Variants in DROSHA observed in about 807,000 individuals in gnomAD.
DROSHA encodes drosha ribonuclease III.
A neutral mutation model predicts 181.9 loss-of-function variants in DROSHA; 56 were observed. The observed-to-expected ratio is 0.31, with a 90% confidence interval of 0.25 to 0.38. The LOEUF is 0.38. Among genes scored for constraint, DROSHA ranks in the 10% least tolerant of loss-of-function variants. The pLI, the probability that DROSHA is intolerant of heterozygous loss-of-function variation, is 1.00. For synonymous variants in DROSHA, 524 were observed against 591.2 expected (o/e 0.89, Z 1.65); for missense variants, 1,218 against 1,743.5 (o/e 0.70, Z 5.37).
chr5:31,512,476 C>T (rs1738803446), intron 8 of DROSHA, among the ~76,000 whole-genome samples: 1 of 152,152 alleles, frequency 6.6e-6, no homozygotes, highest in Non-Finnish European at 1.5e-5. Flanking sequence ...TCCCTTCTTC[C>T]TAATAGAAGC....
intron 16 of DROSHA, among the ~76,000 whole-genome samples, chr5:31,476,488 A>G (rs563738924): frequency 6.6e-6 from 1 of 152,356 alleles, no homozygotes; most frequent in Admixed American, 6.5e-5. Flanking sequence ...AACAAGACAT[A>G]ATTAAAAATA....
At chr5:31,446,446 C>CAAAAAAAAAAAAAAAAAA (rs60001713) in intron 23 of DROSHA, among the ~76,000 whole-genome samples, 1 of 59,350 alleles carries the variant, frequency 1.7e-5, no homozygotes, top group African/African-American at 5.5e-5. Context: ...GACTCTGTCT[C>CAAAAAAAAAAAAAAAAAA]AAAAAAAAAA....
At chr5:31,474,043 T>C (rs1193343859) in intron 16 of DROSHA, among the ~76,000 whole-genome samples, 1 of 152,214 alleles carries the variant, frequency 6.6e-6, no homozygotes, top group African/African-American at 2.4e-5. Context: ...AGGAAGCACA[T>C]AGGCTAATAA....
At chr5:31,490,125 C>T (rs1004988355) in intron 13 of DROSHA, among the ~76,000 whole-genome samples, 6 of 151,842 alleles carry the variant, frequency 4.0e-5, no homozygotes, top group Middle Eastern at 3.4e-3. Flanking sequence ...ATCTGCCCGC[C>T]TCAGCCTCCC....
chr5:31,483,440 GATA>G (rs1751275364), intron 16 of DROSHA, 111 bp downstream of exon 16: 2 of 969,108 alleles, frequency 2.1e-6, no homozygotes, highest in African/African-American at 3.3e-5. Context: ...CTGAGAAGTA[GATA>G]ATTAACAGTA....
intron 27 of DROSHA, among the ~76,000 whole-genome samples, chr5:31,425,251 C>T (rs1201692392): frequency 1.3e-5 from 2 of 151,992 alleles, no homozygotes; most frequent in African/African-American, 4.8e-5. Context: ...AAATTTAGTA[C>T]CACTTGTAAC....
At chr5:31,435,099 T>C (rs558159625) in intron 25 of DROSHA, among the ~76,000 whole-genome samples, 67 of 152,226 alleles carry the variant, frequency 4.4e-4, no homozygotes, top group Non-Finnish European at 7.1e-4. Flanking sequence ...AATTTGTCCA[T>C]GGCCACCTGT....
At chr5:31,505,613 A>G (rs1302644765) in intron 10 of DROSHA, 1 of 152,222 alleles carries the variant, frequency 6.6e-6, no homozygotes, top group Non-Finnish European at 1.5e-5. Flanking sequence ...ACTGAATCAA[A>G]AACAAGACCA....
At chr5:31,403,885 T>C (rs957029419) in intron 35 of DROSHA, among the ~76,000 whole-genome samples, 2 of 152,220 alleles carry the variant, frequency 1.3e-5, no homozygotes, top group South Asian at 2.1e-4. Flanking sequence ...ACATAGGTTT[T>C]TTTTATCTGC....
Position 31,504,639 on chromosome 5 carries a change from T to G in DROSHA, c.1588-4A>C, listed in dbSNP as rs1737689087. 1.2e-6 allele frequency: 2 copies of G among 1,613,834 alleles called. No homozygotes were observed. The highest frequency in any genetic ancestry group is 1.7e-6 in the Non-Finnish European group (2 of 1,179,836). ...TGCAGAGTGGTCCATCATTCATCTG[T>G]CAGAAACACAATGTAATTCGTTTTT... On this transcript the variant is annotated splice_region_variant and splice_polypyrimidine_tract_variant and intron_variant, in intron 10 of 35. Transcript: ENST00000344624.
chr5:31,464,435 T>A, intron 19 of DROSHA, 92 bp from the exon 20 acceptor site: 1 of 1,086,446 alleles, frequency 9.2e-7, no homozygotes, highest in Non-Finnish European at 1.4e-6. Context: ...TGGATTCATT[T>A]AATATTACCC....
At chr5:31,521,089 C>T in intron 6 of DROSHA, 34 bp downstream of exon 6, 2 of 1,607,204 alleles carry the variant, frequency 1.2e-6, no homozygotes, top group Non-Finnish European at 1.7e-6. Context: ...GGAGATAATC[C>T]TATGACTTCT....
intron 28 of DROSHA, among the ~76,000 whole-genome samples, chr5:31,423,581 A>G (rs1743048460): frequency 6.6e-6 from 1 of 152,220 alleles, no homozygotes; most frequent in Admixed American, 6.5e-5. Flanking sequence ...AGCCTTTAAC[A>G]ACTGGTAGAG....
At chr5:31,441,650 CATCA>C (rs989877306) in intron 23 of DROSHA, among the ~76,000 whole-genome samples, 17 of 152,286 alleles carry the variant, frequency 1.1e-4, no homozygotes, top group African/African-American at 4.1e-4. Flanking sequence ...TTGGAGAAAA[CATCA>C]AGGAATAGAG....
intron 9 of DROSHA, among the ~76,000 whole-genome samples, chr5:31,509,929 T>C (rs1580344024): frequency 6.6e-6 from 1 of 151,958 alleles, no homozygotes; most frequent in Admixed American, 6.6e-5. Context: ...GTTTCAGTTT[T>C]ATAAAAGGAA....
At position 31,451,550 on chromosome 5, in the gene DROSHA, C is replaced by G; in HGVS notation, c.2665G>C (p.Asp889His). 5 of 1,611,312 alleles carry G rather than the reference C, an allele frequency of 3.1e-6. No individual in the cohort carries two copies. Among genetic ancestry groups the G allele is most frequent in the Non-Finnish European group, 4.2e-6 (5 of 1,178,690 alleles). The change falls in exon 21 of 36, where the codon GAT becomes CAT. Residue 889 changes from aspartate to histidine, a missense_variant. By Grantham distance (81) the Asp-to-His change is moderately conservative. Transcript: ENST00000344624. ...ATTCTTACCTGCAACAGACAACGATCTTGGAAAGTATATCCTATCAACTTG... is the reference window on the plus strand; with the variant it reads ...ATTCTTACCTGCAACAGACAACGATGTTGGAAAGTATATCCTATCAACTTG... ...LDKLIGYTFQ[D>H]RCLLQLAMTH...
chr5:31,532,073 G>A lies in DROSHA; in HGVS notation c.-333C>T, dbSNP rs1741495913. 5.1e-6 allele frequency: 2 copies of A among 395,068 alleles called. No individual in the cohort carries two copies. The highest frequency in any genetic ancestry group is 4.4e-5 in the Admixed American group (1 of 22,712). 24.5% of individuals were successfully genotyped at this position (395,068 alleles called of 1,614,324 possible). ...AGGTACCAAGACAGTGGCACCGCCC[G>A]CGCCTCCGGAACAGGAAACCGAGGG... On this transcript the variant is annotated 5_prime_UTR_variant, in exon 1 of 36. Coordinates refer to ENST00000344624, the MANE Select transcript of DROSHA (RefSeq NM_001382508.1).
intron 21 of DROSHA, among the ~76,000 whole-genome samples, chr5:31,450,660 G>A (rs916486774): frequency 6.6e-5 from 10 of 152,002 alleles, no homozygotes; most frequent in African/African-American, 2.2e-4. Flanking sequence ...GTGGTATAAC[G>A]GACACTGGAG....
intron 23 of DROSHA, among the ~76,000 whole-genome samples, chr5:31,439,273 G>A (rs1745260166): frequency 6.6e-6 from 1 of 152,104 alleles, no homozygotes; most frequent in African/African-American, 2.4e-5. Flanking sequence ...TTCAACATAT[G>A]GTAAAATCCT....
Sources: allele counts gnomAD v4.1 joint callset (sites outside exome capture counted in the v4.1 genomes callset), GRCh38; gene constraint gnomAD v4.1.1; transcripts MANE v1.5; gene names NCBI Gene and HGNC (gene_info 2026-07-23, HGNC 2026-07-21).